Variants in TGM3 observed in about 807,000 individuals in gnomAD.
The protein encoded by TGM3 is protein-glutamine gamma-glutamyltransferase E.
TGM3 carries 52 observed loss-of-function variants against 73.8 expected under a neutral mutation model. That is an observed-to-expected ratio of 0.70 (90% CI 0.56 to 0.89). The LOEUF (loss-of-function observed/expected upper bound fraction) is 0.89, where lower values mean the gene tolerates loss of function less well. Ranked by LOEUF, TGM3 falls within the 40% of genes least tolerant of loss-of-function variation. The probability of loss-of-function intolerance (pLI) is 0.00; values close to 1 mark genes in which losing one functional copy is unlikely to be tolerated. For missense variants in TGM3, 928 were observed against 909.9 expected (o/e 1.02, Z -0.26); for synonymous variants, 372 against 354.9 (o/e 1.05, Z -0.54).
chr20:2,330,086 G>A (rs1054319624), intron 9 of TGM3, among the ~76,000 whole-genome samples: 3 of 152,114 alleles, frequency 2.0e-5, no homozygotes, highest in Non-Finnish European at 4.4e-5. Flanking sequence ...TCCCAGCAAT[G>A]CCCCAGCCCT....
intron 5 of TGM3, 22 bp from the exon 6 acceptor site, chr20:2,317,046 T>TG (rs759895112): frequency 2.6e-5 from 42 of 1,610,920 alleles, no homozygotes; most frequent in South Asian, 1.6e-4. Flanking sequence ...TGACTCATTT[T>TG]GGGGGGGTGG....
intron 9 of TGM3, 146 bp from the exon 10 acceptor site, chr20:2,331,856 A>C: frequency 1.1e-6 from 1 of 915,154 alleles, no homozygotes; most frequent in South Asian, 1.7e-5. Context: ...AAGACAGGCG[A>C]GCTGGAGACC....
chr20:2,301,531 G>GAA (rs5839947), intron 1 of TGM3, among the ~76,000 whole-genome samples: 3 of 133,658 alleles, frequency 2.2e-5, no homozygotes, highest in Admixed American at 7.6e-5. Flanking sequence ...CAGCCATTAA[G>GAA]AAAAAAAAAA....
chr20:2,300,760 C>T (rs1043996021), intron 1 of TGM3, among the ~76,000 whole-genome samples: 16 of 152,176 alleles, frequency 1.1e-4, no homozygotes, highest in Non-Finnish European at 2.4e-4. Flanking sequence ...AAATGCTTAG[C>T]TCAGTGTCTG....
chr20:2,300,191 G>T (rs1377192053), intron 1 of TGM3, among the ~76,000 whole-genome samples: 1 of 141,782 alleles, frequency 7.1e-6, no homozygotes, highest in Admixed American at 7.4e-5. Flanking sequence ...GAAAGAGAAA[G>T]AAATAGAAAG....
At chr20:2,314,008 CAACA>C (rs1173841266) in intron 5 of TGM3, among the ~76,000 whole-genome samples, 2 of 71,470 alleles carry the variant, frequency 2.8e-5, no homozygotes, top group South Asian at 7.2e-4. Flanking sequence ...TCTACAACAA[CAACA>C]AAAAAAAATT....
chr20:2,328,116 C>A lies in TGM3; in HGVS notation c.1088-4C>A, dbSNP rs745779210. 7 of 1,614,108 alleles carry A rather than the reference C, an allele frequency of 4.3e-6. No individual in the cohort carries two copies. The South Asian group carries it at 6.6e-5, about 15-fold the overall frequency. On this transcript the variant is annotated splice_region_variant and splice_polypyrimidine_tract_variant and intron_variant, in intron 8 of 12. Coordinates refer to ENST00000381458, the MANE Select transcript of TGM3 (RefSeq NM_003245.4). The surrounding 1 kb of genome is among the most constrained non-coding windows in gnomAD (Gnocchi z 5.2). ...ATATCCAGCCTCTGCATCTTGGCCTCCAGGGGTGTTCCAGTGCGGCCCCGC... is the reference window on the plus strand; with the variant it reads ...ATATCCAGCCTCTGCATCTTGGCCTACAGGGGTGTTCCAGTGCGGCCCCGC...
rs45544538 is a variant in TGM3 at position 2,330,300 on chromosome 20, G to C, written c.1334-1702G>C. Among the ~76,000 whole-genome samples the C allele has an allele frequency of 7.9e-3, 1,205 of 152,340 alleles. 19 individuals carry two copies. Among genetic ancestry groups the C allele is most frequent in the African/African-American group, 0.027 (1,142 of 41,576 alleles). ...AGCAGGTGACCTATATAGGCATCAA[G>C]GCTCCAAGCCTCATTGTGCAAACAC... On this transcript the variant is annotated intron_variant, in intron 9 of 12. Transcript: ENST00000381458.
At chr20:2,305,750 C>T (rs1393201992) in intron 1 of TGM3, among the ~76,000 whole-genome samples, 4 of 152,222 alleles carry the variant, frequency 2.6e-5, no homozygotes, top group Admixed American at 2.6e-4. Context: ...GCTCTGGAGC[C>T]TGCAGTCCTC....
intron 4 of TGM3, among the ~76,000 whole-genome samples, chr20:2,312,396 C>CAAAAAA (rs57369938): frequency 9.9e-5 from 6 of 60,462 alleles, no homozygotes; most frequent in East Asian, 6.2e-4. Context: ...GACTCCGTCT[C>CAAAAAA]AAAAAAAAAA....
chr20:2,296,192 G>A, intron 1 of TGM3, 122 bp downstream of exon 1: 6 of 1,252,210 alleles, frequency 4.8e-6, no homozygotes, highest in Non-Finnish European at 6.8e-6. Flanking sequence ...CTGAAGGCCA[G>A]ACTTCCTATT....
rs551707718 is a variant in TGM3, at chr20:2,327,326, AT to A, written c.1088-792del. 1.3e-4 allele frequency among the ~76,000 whole-genome samples: 19 copies of A among 151,852 alleles called. 1 individual carries two copies. The South Asian group carries it at 3.7e-3, about 30-fold the overall frequency. ...TCTACTAAAATTACAAAAAAAAAAA[AT>A]TAGCCGGGCGTGGTGGCGGGCGCCT... On this transcript the variant is annotated intron_variant, in intron 8 of 12. Coordinates refer to ENST00000381458, the MANE Select transcript of TGM3 (RefSeq NM_003245.4).
Position 2,310,196 on chromosome 20 carries a change from C to G in TGM3, c.200C>G (p.Ser67Trp). 6.2e-7 allele frequency: 1 copy of G among 1,614,180 alleles called. No individual in the cohort carries two copies. The highest frequency in any genetic ancestry group is 8.5e-7 in the Non-Finnish European group (1 of 1,180,036). Residue 67 changes from serine (S) to tryptophan (W), a missense_variant, in exon 3 of 13, where the codon TCG (serine) becomes TGG (tryptophan). Coordinates refer to ENST00000381458, the MANE Select transcript of TGM3 (RefSeq NM_003245.4). ...IVSTGPYPSESAMTKAVFPLS... is the reference protein window; with the variant it reads ...IVSTGPYPSEWAMTKAVFPLS... ...TTGACAGGGCCTTACCCCTCAGAGTCGGCCATGACGAAGGCTGTGTTTCCA... is the reference window on the plus strand; with the variant it reads ...TTGACAGGGCCTTACCCCTCAGAGTGGGCCATGACGAAGGCTGTGTTTCCA...
At chr20:2,322,315 G>GA (rs2084266679) in intron 7 of TGM3, among the ~76,000 whole-genome samples, 1 of 152,032 alleles carries the variant, frequency 6.6e-6, no homozygotes. Context: ...ACAGAATTGG[G>GA]ATGATACATT....
At position 2,340,483 on chromosome 20, in the gene TGM3, C is replaced by T; in HGVS notation, c.1984C>T (p.Leu662=). The stretch of plus-strand genomic sequence containing the variant: ...GGGGTCCCGGGTCCGTTTTGATATC[C>T]TGCCCTCCCGGAGTGGCACCAAGCA... ...KEGSRVRFDI[L]PSRSGTKQLL... The change falls in exon 13 of 13, where the codon CTG becomes TTG. Residue 662 remains leucine, a synonymous_variant. Transcript: ENST00000381458. 6.2e-7 allele frequency: 1 copy of T among 1,614,124 alleles called. No individual in the cohort carries two copies. Among genetic ancestry groups the T allele is most frequent in the African/African-American group, 1.3e-5 (1 of 75,048 alleles).
intron 11 of TGM3, among the ~76,000 whole-genome samples, chr20:2,335,509 C>T (rs1159706633): frequency 1.3e-5 from 2 of 152,228 alleles, no homozygotes; most frequent in African/African-American, 2.4e-5. Context: ...CGTGCATTTG[C>T]CTGGCTGCTT....
rs201826691 is a variant in TGM3 at position 2,325,981 on chromosome 20, G to A, written c.1087+29G>A. The A allele has an allele frequency of 4.1e-5, 64 of 1,567,258 alleles. No individual in the cohort carries two copies. In the East Asian group the frequency reaches 8.9e-4, roughly 22 times the overall value. On this transcript the variant is annotated intron_variant, in intron 8 of 12. Coordinates refer to ENST00000381458, the MANE Select transcript of TGM3 (RefSeq NM_003245.4). ...ACTTCTCTGGGTGTGGTTCTGAGTC[G>A]TGAGCCTCACAGTTATTTACAGCCA...
Position 2,317,056 on chromosome 20 carries a change from G to A in TGM3, c.670-12G>A, listed in dbSNP as rs370527543. On this transcript the variant is annotated splice_polypyrimidine_tract_variant and intron_variant, in intron 5 of 12. Coordinates refer to ENST00000381458, the MANE Select transcript of TGM3 (RefSeq NM_003245.4). ...AGTGCTGACTCATTTTGGGGGGGTGGTTTCTGCCCAGATCAATAGCAATGA... is the reference window on the plus strand; with the variant it reads ...AGTGCTGACTCATTTTGGGGGGGTGATTTCTGCCCAGATCAATAGCAATGA... 2.5e-6 allele frequency: 4 copies of A among 1,612,082 alleles called. No individual in the cohort carries two copies. The highest frequency in any genetic ancestry group is 3.4e-6 in the Non-Finnish European group (4 of 1,178,982).
chr20:2,298,906 T>A (rs2084126533), intron 1 of TGM3, among the ~76,000 whole-genome samples: 1 of 152,176 alleles, frequency 6.6e-6, no homozygotes, highest in African/African-American at 2.4e-5. Context: ...CTGCCTCCTG[T>A]CTGCCCGGCT....
Sources: allele counts gnomAD v4.1 joint callset (sites outside exome capture counted in the v4.1 genomes callset), GRCh38; gene constraint gnomAD v4.1.1; non-coding constraint Gnocchi (gnomAD v3.1); transcripts MANE v1.5; gene names NCBI Gene and HGNC (gene_info 2026-07-23, HGNC 2026-07-21).